FMN2: variants seen among roughly 807,000 people sequenced by gnomAD.
FMN2 encodes formin 2, also known as formin-2.
In FMN2, 51 loss-of-function variants were observed where a neutral mutation model predicts 142.3. That is an observed-to-expected ratio of 0.36 (90% CI 0.29 to 0.45). The LOEUF is 0.45. Among genes scored for constraint, FMN2 ranks in the 20% least tolerant of loss-of-function variants. The pLI is 1.00. For synonymous variants in FMN2, 882 were observed against 869.8 expected (o/e 1.01, Z -0.25); for missense variants, 1,936 against 2,122.8 (o/e 0.91, Z 1.73).
intron 8 of FMN2, among the ~76,000 whole-genome samples, chr1:240,325,681 C>T (rs1333841853): frequency 1.3e-5 from 2 of 152,170 alleles, no homozygotes; most frequent in African/African-American, 4.8e-5. Flanking sequence ...AATGTTCTGC[C>T]TTTTTGTTTC....
At chr1:240,139,859 G>T (rs1301548504) in intron 2 of FMN2, among the ~76,000 whole-genome samples, 1 of 152,126 alleles carries the variant, frequency 6.6e-6, no homozygotes, top group Non-Finnish European at 1.5e-5. Flanking sequence ...GGTGGGAATT[G>T]AAGGTATCAG....
Position 240,329,120 on chromosome 1 carries a change from A to G in FMN2, c.4260A>G (p.Arg1420=), listed in dbSNP as rs1424627634. ...TCGAAAAAATAGAAAAGCATGGCCGATCTTCCAAAGACAAGGAAAATGCCA... is the reference window on the plus strand; with the variant it reads ...TCGAAAAAATAGAAAAGCATGGCCGGTCTTCCAAAGACAAGGAAAATGCCA... ...DELEKIEKHG[R]SSKDKENAKS... Residue 1420 remains arginine (R), a synonymous_variant, in exon 9 of 18, where the codon CGA becomes CGG. Coordinates refer to ENST00000319653, the MANE Select transcript of FMN2 (RefSeq NM_020066.5). 8 of 1,614,024 alleles carry G rather than the reference A, an allele frequency of 5.0e-6. No individual in the cohort carries two copies. The highest frequency in any genetic ancestry group is 1.7e-5 in the Admixed American group (1 of 60,012).
chr1:240,351,874 G>C (rs4465192), intron 13 of FMN2, among the ~76,000 whole-genome samples: 1 of 151,992 alleles, frequency 6.6e-6, no homozygotes, highest in African/African-American at 2.4e-5. Context: ...GATGTCATGG[G>C]TGTGTATGAT....
At chr1:240,258,344 C>G (rs1668519234) in intron 7 of FMN2, among the ~76,000 whole-genome samples, 1 of 152,116 alleles carries the variant, frequency 6.6e-6, no homozygotes, top group Non-Finnish European at 1.5e-5. Context: ...TCTCACAGTT[C>G]TAGGAGGCTG....
chr1:240,423,895 A>G (rs533381768), intron 15 of FMN2, among the ~76,000 whole-genome samples: 4 of 152,336 alleles, frequency 2.6e-5, no homozygotes, highest in Admixed American at 2.0e-4. Flanking sequence ...GGCATTCACA[A>G]TAGAGGGAGA....
intron 4 of FMN2, among the ~76,000 whole-genome samples, chr1:240,198,339 C>T (rs570935745): frequency 6.6e-6 from 1 of 152,066 alleles, no homozygotes; most frequent in Non-Finnish European, 1.5e-5. Flanking sequence ...TTACTTTAAC[C>T]TTCCCATCGT....
At position 240,356,390 on chromosome 1, in the gene FMN2, C is replaced by T. The variant is rs183128423; in HGVS notation, c.4858+482C>T. Among the ~76,000 whole-genome samples, 413 of 151,966 alleles carry T rather than the reference C, an allele frequency of 2.7e-3. 3 individuals carry two copies. The highest frequency in any genetic ancestry group is 8.9e-3 in the African/African-American group (370 of 41,458). ...TATTTGCAGTTTTTTTAATGGGATA[C>T]GCCAATACCTCTGGATATTCAACAC... is the stretch of plus-strand genomic sequence containing the variant. On this transcript the variant is annotated intron_variant, in intron 14 of 17. Transcript: ENST00000319653.
chr1:240,442,409 G>A (rs1675654684), intron 16 of FMN2, among the ~76,000 whole-genome samples: 2 of 152,230 alleles, frequency 1.3e-5, no homozygotes, highest in Admixed American at 6.5e-5. Flanking sequence ...CAAGAGAAGA[G>A]TGTTACCATG....
intron 8 of FMN2, among the ~76,000 whole-genome samples, chr1:240,324,418 G>A (rs1464942642): frequency 1.3e-5 from 2 of 152,144 alleles, no homozygotes; most frequent in Non-Finnish European, 2.9e-5. Flanking sequence ...AGCACTTCGG[G>A]AGCTCCAGGA....
chr1:240,200,711 G>A lies in FMN2; in HGVS notation c.1987-6088G>A, dbSNP rs542311715. Among the ~76,000 whole-genome samples, 5 of 152,250 alleles carry A rather than the reference G, an allele frequency of 3.3e-5. No homozygotes were observed. In the East Asian group the frequency reaches 5.8e-4, roughly 18 times the overall value. ...AGGGTGCAGGTAAGGATAGGTCATA[G>A]GGAGAATGAAGATTCTAGCAGGTTG... On this transcript the variant is annotated intron_variant, in intron 4 of 17. Coordinates refer to ENST00000319653, the MANE Select transcript of FMN2 (RefSeq NM_020066.5).
At chr1:240,350,704 A>G (rs1558447114) in intron 13 of FMN2, among the ~76,000 whole-genome samples, 1 of 152,182 alleles carries the variant, frequency 6.6e-6, no homozygotes, top group African/African-American at 2.4e-5. Flanking sequence ...CTTTGATTCT[A>G]TCCTATATCA....
At chr1:240,287,896 G>A (rs994326822) in intron 7 of FMN2, among the ~76,000 whole-genome samples, 1 of 152,150 alleles carries the variant, frequency 6.6e-6, no homozygotes. Flanking sequence ...TAAGTTGTGT[G>A]GTCACTGTGC....
chr1:240,381,494 G>A (rs973095040), intron 14 of FMN2, among the ~76,000 whole-genome samples: 2 of 152,056 alleles, frequency 1.3e-5, no homozygotes, highest in African/African-American at 4.8e-5. Context: ...CAGTGGCGAG[G>A]TCTTGGCTCA....
intron 13 of FMN2, among the ~76,000 whole-genome samples, chr1:240,354,865 G>GTT (rs1019919303): frequency 1.4e-4 from 21 of 149,978 alleles, no homozygotes; most frequent in African/African-American, 4.9e-4. Flanking sequence ...TGTCGTTGTT[G>GTT]TTTTTTTTTG....
intron 6 of FMN2, among the ~76,000 whole-genome samples, chr1:240,234,847 A>G (rs1667648967): frequency 1.3e-5 from 2 of 152,178 alleles, no homozygotes; most frequent in South Asian, 4.1e-4. Context: ...ATTATATAAA[A>G]ATATTTTTTT....
At chr1:240,266,020 CTTT>C (rs10680119) in intron 7 of FMN2, among the ~76,000 whole-genome samples, 3 of 136,424 alleles carry the variant, frequency 2.2e-5, no homozygotes, top group African/African-American at 8.2e-5. Flanking sequence ...CTGTTACTTC[CTTT>C]TTTTTTTTTT....
intron 7 of FMN2, among the ~76,000 whole-genome samples, chr1:240,263,778 G>A (rs1239095987): frequency 1.3e-5 from 2 of 152,048 alleles, no homozygotes; most frequent in Non-Finnish European, 2.9e-5. Flanking sequence ...TTAAACTTAC[G>A]GAAACACGTT....
intron 1 of FMN2, among the ~76,000 whole-genome samples, chr1:240,105,386 G>A (rs1661570141): frequency 6.6e-6 from 1 of 152,050 alleles, no homozygotes; most frequent in Non-Finnish European, 1.5e-5. Flanking sequence ...GGGAGTTACA[G>A]GTGTGAGCCA....
intron 16 of FMN2, among the ~76,000 whole-genome samples, chr1:240,439,991 C>T (rs1398219515): frequency 2.0e-5 from 3 of 152,046 alleles, no homozygotes; most frequent in East Asian, 1.9e-4. Context: ...TTTCCCCTTG[C>T]GCGATTATTT....
Sources: gnomAD v4.1 joint callset for allele counts (sites outside exome capture counted in the v4.1 genomes callset) on GRCh38, gnomAD v4.1.1 for gene constraint, MANE v1.5 for transcripts, NCBI Gene and HGNC (gene_info 2026-07-23, HGNC 2026-07-21) for gene names.